The following PEMT variants were observed in gnomAD, a reference collection of about 807,000 sequenced individuals.
PEMT encodes phosphatidylethanolamine N-methyltransferase.
Under a neutral mutation model 27.4 loss-of-function variants are expected in PEMT, and 23 were observed. That is an observed-to-expected ratio of 0.84 (90% CI 0.60 to 1.19). The LOEUF (loss-of-function observed/expected upper bound fraction) is 1.19. PEMT is among the 50% of genes most tolerant of loss of function. The pLI is 0.00. For synonymous variants in PEMT, 137 were observed against 139.1 expected (o/e 0.98, Z 0.11); for missense variants, 307 against 310.1 (o/e 0.99, Z 0.07).
chr17:17,567,740 G>C (rs532776005), intron 2 of PEMT, among the ~76,000 whole-genome samples: 6 of 152,382 alleles, frequency 3.9e-5, no homozygotes, highest in Non-Finnish European at 2.9e-5. Context: ...GAAGAGACAA[G>C]AGCTGTGCTC....
chr17:17,545,875 C>G (rs1450655547), intron 2 of PEMT, among the ~76,000 whole-genome samples: 2 of 152,156 alleles, frequency 1.3e-5, no homozygotes, highest in African/African-American at 4.8e-5. Flanking sequence ...TTTCTGTATG[C>G]TTAAAATTTG....
At position 17,577,016 on chromosome 17, in the gene PEMT, G is replaced by A. The variant is rs753726492; in HGVS notation, c.108C>T (p.Cys36=). The stretch of plus-strand genomic sequence containing the variant: ...CGTAGCCCAGCAGCCGGGTCATAAC[G>A]CAGAAGTCTGCCTGCAGGGACAGAG... ...GNIDFRQADF[C]VMTRLLGYVD... Residue 36 remains cysteine (C), a synonymous_variant, in exon 2 of 7, where the codon TGC becomes TGT. Coordinates refer to ENST00000255389, the MANE Select transcript of PEMT (RefSeq NM_148172.3). 32 of 1,613,338 alleles carry A rather than the reference G, an allele frequency of 2.0e-5. No individual in the cohort carries two copies. Among genetic ancestry groups the A allele is most frequent in the South Asian group, 4.4e-5 (4 of 91,070 alleles).
At chr17:17,506,486 T>A (rs1440677397) in intron 5 of PEMT, among the ~76,000 whole-genome samples, 185 bp from the exon 6 acceptor site, 1 of 152,104 alleles carries the variant, frequency 6.6e-6, no homozygotes, top group East Asian at 1.9e-4. Flanking sequence ...AGGACCAGGG[T>A]CCCCATGTTC....
chr17:17,562,532 C>A (rs896949324), intron 2 of PEMT, among the ~76,000 whole-genome samples: 1 of 152,232 alleles, frequency 6.6e-6, no homozygotes, highest in African/African-American at 2.4e-5. Context: ...TGCCCCTGGC[C>A]GGGCACGGTG....
intron 2 of PEMT, among the ~76,000 whole-genome samples, chr17:17,525,476 T>C (rs1478869733): frequency 6.6e-6 from 1 of 152,200 alleles, no homozygotes; most frequent in Non-Finnish European, 1.5e-5. Flanking sequence ...CATCCAACAA[T>C]GAGCGGGTGC....
At chr17:17,526,535 C>A (rs1167949229) in intron 2 of PEMT, among the ~76,000 whole-genome samples, 1 of 152,220 alleles carries the variant, frequency 6.6e-6, no homozygotes, top group Non-Finnish European at 1.5e-5. Flanking sequence ...CATGTGAGAG[C>A]GCCCGTCTCT....
At chr17:17,534,100 A>C (rs1908294275) in intron 2 of PEMT, among the ~76,000 whole-genome samples, 3 of 152,150 alleles carry the variant, frequency 2.0e-5, no homozygotes, top group Admixed American at 6.5e-5. Flanking sequence ...CCTAGTATTT[A>C]CTTAAGAAAG....
intron 1 of PEMT, among the ~76,000 whole-genome samples, chr17:17,581,988 T>C (rs796081002): frequency 4.6e-5 from 7 of 152,164 alleles, no homozygotes; most frequent in African/African-American, 1.7e-4. Context: ...GAAACTGGAT[T>C]GGCAAAAAAG....
intron 4 of PEMT, among the ~76,000 whole-genome samples, chr17:17,511,323 C>A (rs1042873849): frequency 6.6e-6 from 1 of 152,242 alleles, no homozygotes; most frequent in African/African-American, 2.4e-5. Context: ...TCTGCCTGAG[C>A]AGGAAGCACT....
intron 2 of PEMT, among the ~76,000 whole-genome samples, chr17:17,571,941 C>T (rs529459707): frequency 2.6e-5 from 4 of 152,206 alleles, no homozygotes; most frequent in African/African-American, 7.2e-5. Flanking sequence ...TCAAGCGATC[C>T]GCCTGCCTTG....
At chr17:17,586,033 A>G (rs944150660) in intron 1 of PEMT, among the ~76,000 whole-genome samples, 11 of 150,718 alleles carry the variant, frequency 7.3e-5, no homozygotes, top group Non-Finnish European at 1.3e-4. Flanking sequence ...CAGTGACCCA[A>G]GATGGCGCCA....
chr17:17,550,071 C>CG (rs999610905), intron 2 of PEMT, among the ~76,000 whole-genome samples: 27 of 152,204 alleles, frequency 1.8e-4, no homozygotes, highest in South Asian at 2.1e-4. Flanking sequence ...TCCCTGATAG[C>CG]GGGGGGGATC....
intron 1 of PEMT, among the ~76,000 whole-genome samples, chr17:17,588,690 T>G (rs534072839): frequency 6.6e-6 from 1 of 152,306 alleles, no homozygotes; most frequent in South Asian, 2.1e-4. Flanking sequence ...AGGACCTCAG[T>G]GTGCTCTGCC....
intron 2 of PEMT, among the ~76,000 whole-genome samples, chr17:17,570,192 A>T (rs947318119): frequency 7.9e-5 from 12 of 152,240 alleles, no homozygotes; most frequent in Non-Finnish European, 1.2e-4. Context: ...ACAGAAGGTC[A>T]GGCAGCAGCT....
In PEMT at chr17:17,522,195, G is replaced by T. The variant is rs567052637; in HGVS notation, c.320+85C>A. ...CTGAGTGCTCAGACACAAGGCTCCC[G>T]CGTGGTGAGGGATGAGGTACCACCA... On this transcript the variant is annotated intron_variant, in intron 3 of 6. Coordinates refer to ENST00000255389, the MANE Select transcript of PEMT (RefSeq NM_148172.3). 15 of 950,738 alleles carry T rather than the reference G, an allele frequency of 1.6e-5. No individual in the cohort carries two copies. The African/African-American group carries it at 2.2e-4, about 14-fold the overall frequency. 58.9% of individuals were successfully genotyped at this position (950,738 alleles called of 1,614,324 possible). A position where few individuals can be genotyped will look rare whatever the true frequency, so the allele number is the denominator to read the frequency against.
Position 17,570,357 on chromosome 17 carries a change from G to A in PEMT, c.204+6563C>T, listed in dbSNP as rs114333675. ...GTGCTGAGGGGTAGGTACTCAGAAC[G>A]CCCAGGCAGCCATGGCCCTCAAGGG... is the stretch of plus-strand genomic sequence containing the variant. On this transcript the variant is annotated intron_variant, in intron 2 of 6. Transcript: ENST00000255389. 230 of 217,916 alleles carry A rather than the reference G, an allele frequency of 1.1e-3. 1 individual carries two copies. The highest frequency in any genetic ancestry group is 5.0e-3 in the African/African-American group (215 of 42,896). The allele number at this position is 217,916 out of a possible 1,614,324, so 13.5% of individuals were successfully genotyped here.
chr17:17,571,101 T>C (rs1911168580), intron 2 of PEMT, among the ~76,000 whole-genome samples: 1 of 152,128 alleles, frequency 6.6e-6, no homozygotes, highest in Admixed American at 6.5e-5. Flanking sequence ...CTGTGACACC[T>C]TGATCTTTGT....
intron 5 of PEMT, 55 bp from the exon 6 acceptor site, chr17:17,506,356 C>T (rs1456481043): frequency 1.3e-5 from 18 of 1,340,514 alleles, no homozygotes; most frequent in African/African-American, 2.9e-5. Flanking sequence ...CTCAGGGCCA[C>T]GGCCCACCTG....
intron 2 of PEMT, among the ~76,000 whole-genome samples, chr17:17,545,498 A>G (rs1909195317): frequency 6.6e-6 from 1 of 151,990 alleles, no homozygotes; most frequent in African/African-American, 2.4e-5. Flanking sequence ...GGCCATTCCT[A>G]TGGGCCCACT....
Sources: allele counts gnomAD v4.1 joint callset (sites outside exome capture counted in the v4.1 genomes callset), GRCh38; gene constraint gnomAD v4.1.1; transcripts MANE v1.5; gene names NCBI Gene and HGNC (gene_info 2026-07-23, HGNC 2026-07-21).